Variants in C12orf42 observed in about 807,000 individuals in gnomAD.
C12orf42 encodes uncharacterized protein C12orf42.
Under a neutral mutation model 21.6 loss-of-function variants are expected in C12orf42, and 25 were observed. That is an observed-to-expected ratio of 1.16 (90% CI 0.84 to 1.62). The LOEUF is 1.62. C12orf42 is among the 40% of genes most tolerant of loss of function. The probability of loss-of-function intolerance (pLI) is 0.00; values close to 1 mark genes in which losing one functional copy is unlikely to be tolerated. For synonymous variants in C12orf42, 174 were observed against 175.0 expected (o/e 0.99, Z 0.05); for missense variants, 483 against 459.3 (o/e 1.05, Z -0.47).
the C12orf42 span, among the ~76,000 whole-genome samples, chr12:103,077,083 C>G: frequency 1.3e-5 from 2 of 152,044 alleles, no homozygotes; most frequent in African/African-American, 2.4e-5. Context: ...TGTTCTAGAC[C>G]CATTTTCTCT....
At chr12:103,107,783 C>T in the C12orf42 span, among the ~76,000 whole-genome samples, 7 of 150,874 alleles carry the variant, frequency 4.6e-5, no homozygotes, top group Non-Finnish European at 1.0e-4. Context: ...GAGAAAACAA[C>T]CATGCCAAAA....
the C12orf42 span, among the ~76,000 whole-genome samples, chr12:103,083,431 T>A: frequency 6.6e-6 from 1 of 152,150 alleles, no homozygotes; most frequent in Non-Finnish European, 1.5e-5. Flanking sequence ...TTCAAGGTAG[T>A]TTCTGTTTTG....
chr12:103,210,424 T>TA, the C12orf42 span, among the ~76,000 whole-genome samples: 2 of 152,168 alleles, frequency 1.3e-5, no homozygotes, highest in South Asian at 2.1e-4. Context: ...CCCACACAGT[T>TA]AGATACGTAC....
rs950683387 is a variant in C12orf42, at chr12:103,359,185, C to CT, written c.259+9701dup. Among the ~76,000 whole-genome samples, 481 of 151,468 alleles carry CT rather than the reference C, an allele frequency of 3.2e-3. 2 individuals carry two copies. The highest frequency in any genetic ancestry group is 0.01 in the African/African-American group (427 of 41,340). Reference sequence around the variant, plus strand: ...TCTTGGGTTATTCTCATTCAATAATCTTTTTTTTTATCTTTTTCTTACCTT... The same window carrying CT: ...TCTTGGGTTATTCTCATTCAATAATCTTTTTTTTTTATCTTTTTCTTACCTT... On this transcript the variant is annotated intron_variant, in intron 4 of 5. Transcript: ENST00000548883.
At chr12:103,142,483 C>A in the C12orf42 span, among the ~76,000 whole-genome samples, 1 of 152,140 alleles carries the variant, frequency 6.6e-6, no homozygotes, top group Non-Finnish European at 1.5e-5. Context: ...TGGTTTATTT[C>A]TCTTGCAAAT....
chr12:103,440,621 T>C (rs138122157), intron 2 of C12orf42, among the ~76,000 whole-genome samples: 63 of 152,118 alleles, frequency 4.1e-4, no homozygotes, highest in Admixed American at 7.9e-4. Flanking sequence ...TACAAATCCA[T>C]GAGATATGTG....
intron 4 of C12orf42, among the ~76,000 whole-genome samples, chr12:103,343,116 T>A (rs145363176): frequency 6.6e-6 from 1 of 152,210 alleles, no homozygotes; most frequent in Non-Finnish European, 1.5e-5. Context: ...AATTCTAACA[T>A]TTGCAAGTGA....
the C12orf42 span, among the ~76,000 whole-genome samples, chr12:103,075,151 A>G: frequency 6.6e-6 from 1 of 152,184 alleles, no homozygotes; most frequent in Non-Finnish European, 1.5e-5. Flanking sequence ...ATTTTTTTCA[A>G]TAGCAAAAGT....
chr12:103,554,183 G>A, the C12orf42 span, among the ~76,000 whole-genome samples: 1 of 152,146 alleles, frequency 6.6e-6, no homozygotes, highest in Non-Finnish European at 1.5e-5. Flanking sequence ...AATGGGCATG[G>A]TGGGTTCCAA....
the C12orf42 span, among the ~76,000 whole-genome samples, chr12:103,196,576 G>A: frequency 1.3e-5 from 2 of 152,052 alleles, no homozygotes; most frequent in East Asian, 1.9e-4. Context: ...GGGTCTTTCA[G>A]AATTTGTTTT....
chr12:103,184,234 G>T, the C12orf42 span, among the ~76,000 whole-genome samples: 6 of 152,162 alleles, frequency 3.9e-5, no homozygotes, highest in South Asian at 2.1e-4. Flanking sequence ...AGGTTTTATT[G>T]TTTGGTGCAT....
the C12orf42 span, among the ~76,000 whole-genome samples, chr12:103,512,259 T>C: frequency 6.6e-6 from 1 of 152,128 alleles, no homozygotes; most frequent in Non-Finnish European, 1.5e-5. Flanking sequence ...AATCATTAAT[T>C]CCATGGAGGT....
chr12:103,514,544 C>A, the C12orf42 span, among the ~76,000 whole-genome samples: 1 of 152,270 alleles, frequency 6.6e-6, no homozygotes, highest in Non-Finnish European at 1.5e-5. Context: ...AAGTCAGATG[C>A]TTCAGGGCCT....
chr12:103,441,236 A>T (rs1459836812), intron 2 of C12orf42, among the ~76,000 whole-genome samples: 3 of 152,250 alleles, frequency 2.0e-5, no homozygotes, highest in Non-Finnish European at 4.4e-5. Context: ...CTGGACAGAG[A>T]AGGGGGAGGA....
chr12:103,333,171 C>A (rs1479006409), intron 4 of C12orf42, among the ~76,000 whole-genome samples: 4 of 152,164 alleles, frequency 2.6e-5, no homozygotes, highest in Non-Finnish European at 5.9e-5. Flanking sequence ...CAGAAAGAGG[C>A]AGTATAATAG....
upstream of C12orf42, among the ~76,000 whole-genome samples, chr12:103,500,047 A>G (rs555358368): frequency 5.9e-5 from 9 of 152,314 alleles, no homozygotes; most frequent in African/African-American, 1.9e-4. Flanking sequence ...CTAAGTTTGG[A>G]TATCTTTTTA....
At chr12:103,531,195 C>T in the C12orf42 span, among the ~76,000 whole-genome samples, 2 of 152,270 alleles carry the variant, frequency 1.3e-5, no homozygotes, top group African/African-American at 2.4e-5. Context: ...ATATGTATTC[C>T]CCACAAGAGA....
the C12orf42 span, among the ~76,000 whole-genome samples, chr12:103,546,839 G>T: frequency 3.3e-5 from 5 of 152,132 alleles, no homozygotes; most frequent in Admixed American, 3.3e-4. Context: ...CACATGAGAA[G>T]TACCCTCCTT....
At chr12:103,364,459 C>A (rs2044409170) in intron 4 of C12orf42, among the ~76,000 whole-genome samples, 1 of 151,538 alleles carries the variant, frequency 6.6e-6, no homozygotes, top group South Asian at 2.1e-4. Flanking sequence ...CAAACCAAAC[C>A]CAAACCCAGC....
Sources: gnomAD v4.1 joint callset for allele counts (sites outside exome capture counted in the v4.1 genomes callset) on GRCh38, gnomAD v4.1.1 for gene constraint, MANE v1.5 for transcripts, NCBI Gene and HGNC (gene_info 2026-07-23, HGNC 2026-07-21) for gene names.